Variants in MSH3 observed in about 807,000 individuals in gnomAD.
MSH3 encodes mutS homolog 3, also known as DNA mismatch repair protein Msh3.
A neutral mutation model predicts 123.3 loss-of-function variants in MSH3; 106 were observed. The ratio of observed to expected loss-of-function variants is 0.86; its 90% confidence interval spans 0.73 to 1.01. The LOEUF (loss-of-function observed/expected upper bound fraction) is 1.01, where lower values mean the gene tolerates loss of function less well. Among genes scored for constraint, MSH3 ranks in the 50% least tolerant of loss-of-function variants. The pLI is 0.00. For missense variants in MSH3, 1,459 were observed against 1,347.6 expected, an observed-to-expected ratio of 1.08 and a Z score of -1.29; for synonymous variants, 515 against 481.4, an observed-to-expected ratio of 1.07 and a Z score of -0.91.
At chr5:80,777,074 G>A (rs947855609) in intron 16 of MSH3, among the ~76,000 whole-genome samples, 2 of 151,762 alleles carry the variant, frequency 1.3e-5, no homozygotes, top group African/African-American at 2.4e-5. Context: ...TGGGATTACA[G>A]GCACCTGCCA....
chr5:80,730,895 T>TATA (rs60328336), intron 10 of MSH3, among the ~76,000 whole-genome samples: 30,103 of 91,984 alleles, frequency 0.33, 3,511 homozygotes, highest in Middle Eastern at 0.41. Context: ...TATATATATA[T>TATA]TTTTTTTTTT....
chr5:80,843,220 ATGT>A (rs1324961286), intron 20 of MSH3, among the ~76,000 whole-genome samples: 1 of 152,178 alleles, frequency 6.6e-6, no homozygotes, highest in African/African-American at 2.4e-5. Flanking sequence ...TGATTTGTGT[ATGT>A]TGAAGCAGCC....
chr5:80,795,719 A>T (rs1744688874), intron 19 of MSH3, among the ~76,000 whole-genome samples: 1 of 152,218 alleles, frequency 6.6e-6, no homozygotes, highest in South Asian at 2.1e-4. Flanking sequence ...TAGTCAAACA[A>T]GTTAATAAGT....
At chr5:80,784,165 A>G (rs1192649730) in intron 17 of MSH3, among the ~76,000 whole-genome samples, 3 of 140,736 alleles carry the variant, frequency 2.1e-5, no homozygotes, top group East Asian at 2.3e-4. Context: ...AGCTGAGATC[A>G]TGCCACTACA....
At chr5:80,676,577 G>A (rs527934320) in intron 7 of MSH3, among the ~76,000 whole-genome samples, 2 of 152,264 alleles carry the variant, frequency 1.3e-5, no homozygotes, top group South Asian at 2.1e-4. Flanking sequence ...TGTCTCCAAT[G>A]TGCCTTTTAA....
chr5:80,806,328 C>T (rs1225388772), intron 19 of MSH3, among the ~76,000 whole-genome samples: 1 of 152,162 alleles, frequency 6.6e-6, no homozygotes, highest in Non-Finnish European at 1.5e-5. Flanking sequence ...AACTCCTGAC[C>T]TCAGATGATC....
intron 20 of MSH3, among the ~76,000 whole-genome samples, chr5:80,830,461 G>T (rs1745397835): frequency 6.6e-6 from 1 of 152,194 alleles, no homozygotes; most frequent in Non-Finnish European, 1.5e-5. Context: ...AGTTTATAAG[G>T]ATGCAGCCTC....
At chr5:80,657,156 C>T (rs929212378) in intron 2 of MSH3, among the ~76,000 whole-genome samples, 1 of 152,042 alleles carries the variant, frequency 6.6e-6, no homozygotes, top group African/African-American at 2.4e-5. Context: ...AACAGCATGC[C>T]TAGGCTGGGC....
intron 8 of MSH3, among the ~76,000 whole-genome samples, chr5:80,717,416 T>C (rs1750985014): frequency 6.6e-6 from 1 of 151,944 alleles, no homozygotes; most frequent in Non-Finnish European, 1.5e-5. Context: ...ACAAGTGCAC[T>C]CCACCATGCC....
chr5:80,864,200 C>T (rs891130020), intron 21 of MSH3, among the ~76,000 whole-genome samples: 1 of 152,076 alleles, frequency 6.6e-6, no homozygotes, highest in Non-Finnish European at 1.5e-5. Flanking sequence ...CCCTGGACCC[C>T]TTAGGTAGGA....
intron 19 of MSH3, among the ~76,000 whole-genome samples, chr5:80,807,015 A>T (rs1227817410): frequency 6.6e-6 from 1 of 151,844 alleles, no homozygotes; most frequent in African/African-American, 2.4e-5. Context: ...CCAGCCTGGG[A>T]TGGGGAGACC....
chr5:80,829,515 C>A (rs1025377085), intron 20 of MSH3, among the ~76,000 whole-genome samples: 27 of 152,274 alleles, frequency 1.8e-4, no homozygotes, highest in Non-Finnish European at 2.1e-4. Flanking sequence ...TCTTCTTTAG[C>A]CAGTTGATGT....
At chr5:80,873,407 C>A in intron 23 of MSH3, 120 bp downstream of exon 23, 1 of 964,136 alleles carries the variant, frequency 1.0e-6, no homozygotes. Flanking sequence ...TTCAAATATT[C>A]TGAACCATTT....
At chr5:80,811,093 A>C (rs1181738788) in intron 19 of MSH3, among the ~76,000 whole-genome samples, 3 of 152,126 alleles carry the variant, frequency 2.0e-5, no homozygotes, top group African/African-American at 7.2e-5. Flanking sequence ...AGTGATACTC[A>C]ACCTGTATTT....
At chr5:80,775,629 G>C in intron 15 of MSH3, 65 bp from the exon 16 acceptor site, 2 of 923,642 alleles carry the variant, frequency 2.2e-6, no homozygotes, top group Non-Finnish European at 3.5e-6. Context: ...ACCACAATTT[G>C]GGGAAAGCTT....
At chr5:80,740,903 A>C (rs190023567) in intron 10 of MSH3, among the ~76,000 whole-genome samples, 96 of 150,864 alleles carry the variant, frequency 6.4e-4, no homozygotes, top group African/African-American at 2.3e-3. Context: ...TTTAGTAGAG[A>C]CGAGGTTTTG....
chr5:80,689,710 G>A (rs1047532004), intron 8 of MSH3, among the ~76,000 whole-genome samples: 2 of 150,892 alleles, frequency 1.3e-5, no homozygotes, highest in African/African-American at 2.4e-5. Context: ...ACGGAAGACC[G>A]AGTTCTTTTT....
At chr5:80,816,538 G>T (rs1357658560) in intron 20 of MSH3, among the ~76,000 whole-genome samples, 1 of 152,180 alleles carries the variant, frequency 6.6e-6, no homozygotes, top group Non-Finnish European at 1.5e-5. Flanking sequence ...AACTATTGAA[G>T]AATTTTAACC....
intron 8 of MSH3, among the ~76,000 whole-genome samples, chr5:80,713,405 C>T (rs753940124): frequency 2.6e-5 from 4 of 151,862 alleles, no homozygotes; most frequent in Non-Finnish European, 5.9e-5. Context: ...TTTAATTTAA[C>T]CGTCTAGCTT....
Sources: allele counts gnomAD v4.1 joint callset (sites outside exome capture counted in the v4.1 genomes callset), GRCh38; gene constraint gnomAD v4.1.1; transcripts MANE v1.5; gene names NCBI Gene and HGNC (gene_info 2026-07-23, HGNC 2026-07-21).